The following LDLRAD4 variants were observed in gnomAD, a reference collection of about 807,000 sequenced individuals.
LDLRAD4 encodes low-density lipoprotein receptor class A domain-containing protein 4.
Under a neutral mutation model 17.0 loss-of-function variants are expected in LDLRAD4, and 5 were observed. The ratio of observed to expected loss-of-function variants is 0.29; its 90% CI spans 0.15 to 0.62. The LOEUF (loss-of-function observed/expected upper bound fraction) is 0.62, where lower values mean the gene tolerates loss of function less well. LDLRAD4 is among the 20% of genes least tolerant of loss of function. The pLI, the probability that LDLRAD4 is intolerant of heterozygous loss-of-function variation, is 0.84. For synonymous variants in LDLRAD4, 168 were observed against 171.8 expected (o/e 0.98, Z 0.17); for missense variants, 340 against 424.7 (o/e 0.80, Z 1.75).
At chr18:13,467,784 T>C (rs1468006138) in intron 3 of LDLRAD4, among the ~76,000 whole-genome samples, 1 of 152,208 alleles carries the variant, frequency 6.6e-6, no homozygotes, top group African/African-American at 2.4e-5. Flanking sequence ...GACTTCAGGA[T>C]AGATGCATAG....
At chr18:13,434,461 A>G (rs1915995178) in intron 2 of LDLRAD4, among the ~76,000 whole-genome samples, 1 of 152,138 alleles carries the variant, frequency 6.6e-6, no homozygotes, top group South Asian at 2.1e-4. Context: ...GTTGCCATGA[A>G]TTTGTCACCA....
At chr18:13,383,225 C>T (rs763108807) in intron 1 of LDLRAD4, among the ~76,000 whole-genome samples, 1 of 152,238 alleles carries the variant, frequency 6.6e-6, no homozygotes, top group Non-Finnish European at 1.5e-5. Flanking sequence ...TCTTCCTTCA[C>T]TCATGTGTTC....
At chr18:13,497,499 T>A (rs1369074053) in intron 3 of LDLRAD4, among the ~76,000 whole-genome samples, 1 of 144,840 alleles carries the variant, frequency 6.9e-6, no homozygotes, top group East Asian at 2.0e-4. Context: ...TCTTGTAGTG[T>A]TTTTTTTTTT....
chr18:13,452,918 A>G (rs1428919044), intron 3 of LDLRAD4, among the ~76,000 whole-genome samples: 3 of 152,142 alleles, frequency 2.0e-5, no homozygotes, highest in Admixed American at 6.5e-5. Flanking sequence ...GCCAGAGGCA[A>G]CGTCCTGGGG....
At chr18:13,644,886 C>G (rs750343345) in intron 5 of LDLRAD4, 4 of 519,830 alleles carry the variant, frequency 7.7e-6, no homozygotes, top group Non-Finnish European at 1.4e-5. Context: ...CCACAGCTCT[C>G]CATTGCTCAG....
chr18:13,611,432 G>A (rs1040459522), intron 3 of LDLRAD4: 1 of 985,138 alleles, frequency 1.0e-6, no homozygotes, highest in Non-Finnish European at 1.2e-6. Flanking sequence ...TGAAAACTGC[G>A]ACAGACTCGC....
chr18:13,464,194 C>T (rs2092540141), intron 3 of LDLRAD4, among the ~76,000 whole-genome samples: 1 of 152,240 alleles, frequency 6.6e-6, no homozygotes. Flanking sequence ...ATAAACACAA[C>T]TGTTTCTCCA....
chr18:13,382,827 A>T (rs974085296), intron 1 of LDLRAD4: 1 of 152,304 alleles, frequency 6.6e-6, no homozygotes, highest in Non-Finnish European at 1.5e-5. Flanking sequence ...CATGGGAAGC[A>T]GTGCCTTCAG....
chr18:13,427,938 T>G (rs2090067867), intron 2 of LDLRAD4, among the ~76,000 whole-genome samples: 1 of 152,194 alleles, frequency 6.6e-6, no homozygotes, highest in African/African-American at 2.4e-5. Flanking sequence ...TAACTGTGGT[T>G]CCTATAAGAA....
chr18:13,338,098 T>C (rs1398521460), intron 1 of LDLRAD4, among the ~76,000 whole-genome samples: 2 of 152,200 alleles, frequency 1.3e-5, no homozygotes, highest in African/African-American at 4.8e-5. Flanking sequence ...CTTTCCCTTC[T>C]CCTTACTGCT....
intron 3 of LDLRAD4, among the ~76,000 whole-genome samples, chr18:13,562,327 T>G (rs2094550233): frequency 6.6e-6 from 1 of 152,262 alleles, no homozygotes; most frequent in Admixed American, 6.5e-5. Flanking sequence ...TTTGAAACTC[T>G]CAGCCAGCTC....
intron 2 of LDLRAD4, among the ~76,000 whole-genome samples, chr18:13,414,511 T>G (rs1205499492): frequency 6.6e-6 from 1 of 152,260 alleles, no homozygotes; most frequent in Non-Finnish European, 1.5e-5. Context: ...GAGTCATGTT[T>G]CCATTTACTA....
At chr18:13,257,172 C>G (rs755723150) in intron 1 of LDLRAD4, among the ~76,000 whole-genome samples, 1 of 152,198 alleles carries the variant, frequency 6.6e-6, no homozygotes, top group Non-Finnish European at 1.5e-5. Flanking sequence ...GCGGCCCTGG[C>G]TCAGAAAGGC....
At chr18:13,410,339 A>C (rs1421561224) in intron 2 of LDLRAD4, among the ~76,000 whole-genome samples, 2 of 152,224 alleles carry the variant, frequency 1.3e-5, no homozygotes, top group African/African-American at 4.8e-5. Context: ...AAATTCAAAT[A>C]ATAATAGGAG....
At chr18:13,566,312 T>C (rs7229840) in intron 3 of LDLRAD4, among the ~76,000 whole-genome samples, 27,056 of 151,700 alleles carry the variant, frequency 0.18, 2,632 homozygotes, top group East Asian at 0.33. Context: ...CCCATCTCTG[T>C]TCAGCACAAC....
intron 1 of LDLRAD4, among the ~76,000 whole-genome samples, chr18:13,327,509 A>G (rs368265784): frequency 1.3e-5 from 2 of 152,122 alleles, no homozygotes; most frequent in Non-Finnish European, 2.9e-5. Flanking sequence ...TTTGAAATCA[A>G]AGCCAGATTT....
intron 1 of LDLRAD4, among the ~76,000 whole-genome samples, chr18:13,280,786 T>C (rs751788488): frequency 4.6e-5 from 7 of 152,236 alleles, no homozygotes; most frequent in Non-Finnish European, 8.8e-5. Flanking sequence ...TTAAGGGATC[T>C]GAAGGCACCG....
At chr18:13,625,401 C>A (rs1040695596) in intron 4 of LDLRAD4, among the ~76,000 whole-genome samples, 2 of 152,118 alleles carry the variant, frequency 1.3e-5, no homozygotes, top group Non-Finnish European at 2.9e-5. Flanking sequence ...AGGCCAGCAG[C>A]CTTACTTGGC....
intron 1 of LDLRAD4, among the ~76,000 whole-genome samples, chr18:13,262,369 C>T (rs62097319): frequency 0.25 from 12,459 of 49,354 alleles, no homozygotes; most frequent in Admixed American, 0.37. Context: ...CCCGTGCGGC[C>T]CTGTGCGTGG....
Sources: gnomAD v4.1 joint callset for allele counts (sites outside exome capture counted in the v4.1 genomes callset) on GRCh38, gnomAD v4.1.1 for gene constraint, MANE v1.5 for transcripts, NCBI Gene and HGNC (gene_info 2026-07-23, HGNC 2026-07-21) for gene names.